LINGO2: variants seen among roughly 807,000 people sequenced by gnomAD.
The protein encoded by LINGO2 is leucine-rich repeat and immunoglobulin-like domain-containing nogo receptor-interacting protein 2.
In LINGO2, 14 loss-of-function variants were observed where a neutral mutation model predicts 30.6. The observed-to-expected ratio is 0.46, with a 90% CI of 0.30 to 0.72. The LOEUF (loss-of-function observed/expected upper bound fraction) is 0.72, where lower values mean the gene tolerates loss of function less well. LINGO2 is among the 30% of genes least tolerant of loss of function. The pLI is 0.07. For synonymous variants in LINGO2, 317 were observed against 288.5 expected (o/e 1.10, Z -1.00); for missense variants, 729 against 751.7 (o/e 0.97, Z 0.35).
intron 1 of LINGO2, among the ~76,000 whole-genome samples, chr9:28,564,198 C>G (rs1014537723): frequency 6.6e-6 from 1 of 151,910 alleles, no homozygotes; most frequent in Non-Finnish European, 1.5e-5. Flanking sequence ...TCATATGGAA[C>G]AATAGTCTTT....
intron 1 of LINGO2, among the ~76,000 whole-genome samples, chr9:28,500,832 T>G (rs1004898093): frequency 1.3e-5 from 2 of 152,192 alleles, no homozygotes; most frequent in Admixed American, 6.5e-5. Flanking sequence ...AAAATGAGGC[T>G]GTATTTCCAA....
intron 1 of LINGO2, among the ~76,000 whole-genome samples, chr9:28,580,826 C>T (rs577675451): frequency 4.6e-5 from 7 of 152,084 alleles, no homozygotes; most frequent in Middle Eastern, 3.4e-3. Flanking sequence ...AACTGAGCCA[C>T]GACTCACTTT....
intron 3 of LINGO2, among the ~76,000 whole-genome samples, chr9:28,358,195 C>T (rs1168811485): frequency 6.6e-6 from 1 of 152,068 alleles, no homozygotes; most frequent in East Asian, 1.9e-4. Flanking sequence ...AATTGATTTA[C>T]TTTAATTAAC....
At chr9:28,005,433 T>G (rs1481436979) in intron 5 of LINGO2, among the ~76,000 whole-genome samples, 1 of 152,204 alleles carries the variant, frequency 6.6e-6, no homozygotes, top group Non-Finnish European at 1.5e-5. Flanking sequence ...CCTCATTTTA[T>G]TCTTTCCCTT....
At chr9:28,363,639 G>A (rs1225590887) in intron 3 of LINGO2, among the ~76,000 whole-genome samples, 1 of 151,910 alleles carries the variant, frequency 6.6e-6, no homozygotes, top group Non-Finnish European at 1.5e-5. Context: ...CCAATCAGCG[G>A]AGTCACTATC....
chr9:28,805,333 T>C, the LINGO2 span, among the ~76,000 whole-genome samples: 1 of 152,152 alleles, frequency 6.6e-6, no homozygotes, highest in Non-Finnish European at 1.5e-5. Flanking sequence ...TAGGTCTTAA[T>C]TTGTCACTAA....
At chr9:28,610,531 A>C (rs1212972016) in intron 1 of LINGO2, among the ~76,000 whole-genome samples, 1 of 152,144 alleles carries the variant, frequency 6.6e-6, no homozygotes, top group African/African-American at 2.4e-5. Flanking sequence ...AAGGGCTAGA[A>C]AAAACTAGGT....
intron 3 of LINGO2, among the ~76,000 whole-genome samples, chr9:28,306,792 T>C (rs1824379131): frequency 6.6e-6 from 1 of 152,158 alleles, no homozygotes; most frequent in South Asian, 2.1e-4. Context: ...CAGAGAATAC[T>C]ACAAACACCT....
intron 1 of LINGO2, among the ~76,000 whole-genome samples, chr9:28,652,956 A>C (rs1828173786): frequency 6.6e-6 from 1 of 152,116 alleles, no homozygotes; most frequent in Non-Finnish European, 1.5e-5. Flanking sequence ...CGTTAGTTAA[A>C]TTGATAGTAA....
chr9:28,587,228 G>C (rs1012382047), intron 1 of LINGO2, among the ~76,000 whole-genome samples: 4 of 151,994 alleles, frequency 2.6e-5, no homozygotes, highest in Admixed American at 2.0e-4. Context: ...TCTGATGGAG[G>C]CTGACAAGTT....
At chr9:28,273,759 A>G (rs932289654) in intron 4 of LINGO2, among the ~76,000 whole-genome samples, 4 of 152,236 alleles carry the variant, frequency 2.6e-5, no homozygotes, top group Non-Finnish European at 5.9e-5. Context: ...TTAAGCCCTT[A>G]GCAGTAGCTG....
the LINGO2 span, among the ~76,000 whole-genome samples, chr9:28,746,283 G>C: frequency 2.0e-5 from 3 of 151,748 alleles, no homozygotes; most frequent in African/African-American, 4.8e-5. Flanking sequence ...TCTTTAAAAG[G>C]CAAAACTTGT....
At chr9:28,219,192 G>A (rs1259699491) in intron 4 of LINGO2, among the ~76,000 whole-genome samples, 2 of 152,146 alleles carry the variant, frequency 1.3e-5, no homozygotes, top group Non-Finnish European at 2.9e-5. Flanking sequence ...AAGTTAAGAA[G>A]TATTTGTGGA....
rs191157483 is a variant in LINGO2 at position 28,517,988 on chromosome 9, T to C, written c.-364-41963A>G. ...CTGGAAATGAGAAACGCAAAGCCAA[T>C]TGGATTCCAAGATCTTATTTCTGTG... On this transcript the variant is annotated intron_variant, in intron 1 of 5. Transcript: ENST00000379992. Among the ~76,000 whole-genome samples, 135 of 152,274 alleles carry C rather than the reference T, an allele frequency of 8.9e-4. 1 individual carries two copies. The highest frequency in any genetic ancestry group is 2.6e-4 in the Non-Finnish European group (18 of 68,014).
the LINGO2 span, among the ~76,000 whole-genome samples, chr9:29,013,019 G>A: frequency 6.6e-6 from 1 of 152,126 alleles, no homozygotes; most frequent in Non-Finnish European, 1.5e-5. Context: ...CAAGATGACT[G>A]TCTACAGCTA....
the LINGO2 span, among the ~76,000 whole-genome samples, chr9:28,715,481 C>T: frequency 1.3e-5 from 2 of 151,756 alleles, no homozygotes; most frequent in South Asian, 2.1e-4. Flanking sequence ...ATGTACAGTC[C>T]CCTAACATTA....
the LINGO2 span, among the ~76,000 whole-genome samples, chr9:29,189,417 G>A: frequency 4.6e-5 from 7 of 151,426 alleles, no homozygotes; most frequent in African/African-American, 1.7e-4. Flanking sequence ...TTCTCAGACG[G>A]GGCGGCCGGG....
chr9:28,326,805 T>C (rs1296328163), intron 3 of LINGO2, among the ~76,000 whole-genome samples: 1 of 152,164 alleles, frequency 6.6e-6, no homozygotes, highest in Non-Finnish European at 1.5e-5. Flanking sequence ...TTGGGGATCA[T>C]GGTCACAAGA....
chr9:28,012,175 C>A (rs1347746779), intron 5 of LINGO2, among the ~76,000 whole-genome samples: 1 of 151,950 alleles, frequency 6.6e-6, no homozygotes, highest in Non-Finnish European at 1.5e-5. Flanking sequence ...TTTTGCCCAC[C>A]ACAGGGTAGT....
Sources: gnomAD v4.1 joint callset for allele counts (sites outside exome capture counted in the v4.1 genomes callset) on GRCh38, gnomAD v4.1.1 for gene constraint, MANE v1.5 for transcripts, NCBI Gene and HGNC (gene_info 2026-07-23, HGNC 2026-07-21) for gene names.